The following ADARB2 variants were observed in gnomAD, a reference collection of about 807,000 sequenced individuals.
ADARB2 encodes inactive double-stranded RNA-specific editase B2.
Under a neutral mutation model 62.2 loss-of-function variants are expected in ADARB2, and 25 were observed. The ratio of observed to expected loss-of-function variants is 0.40; its 90% CI spans 0.29 to 0.56. ADARB2 has a LOEUF of 0.56. ADARB2 is among the 20% of genes least tolerant of loss of function. The pLI is 0.43. For missense variants in ADARB2, 1,071 were observed against 1,077.4 expected (o/e 0.99, Z 0.08); for synonymous variants, 572 against 500.8 (o/e 1.14, Z -1.90).
intron 1 of ADARB2, among the ~76,000 whole-genome samples, chr10:1,734,492 C>T (rs1241205383): frequency 6.6e-6 from 1 of 152,122 alleles, no homozygotes; most frequent in Non-Finnish European, 1.5e-5. Context: ...TGATAAGAAG[C>T]ATATCATGCC....
At chr10:1,550,390 A>G (rs1163317647) in intron 1 of ADARB2, among the ~76,000 whole-genome samples, 1 of 152,250 alleles carries the variant, frequency 6.6e-6, no homozygotes, top group Non-Finnish European at 1.5e-5. Flanking sequence ...GAGAAAGCTC[A>G]TTCTTTGGAG....
intron 1 of ADARB2, among the ~76,000 whole-genome samples, chr10:1,421,707 T>G (rs1832853921): frequency 6.6e-6 from 1 of 152,068 alleles, no homozygotes; most frequent in East Asian, 1.9e-4. Flanking sequence ...TGTTGACTGT[T>G]TGTTTTGTCC....
chr10:1,595,797 G>C (rs944226804), intron 1 of ADARB2, among the ~76,000 whole-genome samples: 1 of 152,244 alleles, frequency 6.6e-6, no homozygotes, highest in Non-Finnish European at 1.5e-5. Context: ...CTTCAAAGTT[G>C]GTTTGTGGGG....
At chr10:1,732,733 T>C (rs1588370272) in intron 1 of ADARB2, among the ~76,000 whole-genome samples, 1 of 152,236 alleles carries the variant, frequency 6.6e-6, no homozygotes, top group South Asian at 2.1e-4. Context: ...CGGGGACGAC[T>C]GTAGCATTGC....
intron 1 of ADARB2, among the ~76,000 whole-genome samples, chr10:1,593,634 A>G (rs1022845840): frequency 2.0e-5 from 3 of 152,234 alleles, no homozygotes; most frequent in African/African-American, 7.2e-5. Flanking sequence ...TGTAGTCTCA[A>G]GAGTTTAGAA....
chr10:1,485,010 G>C (rs574254044), intron 1 of ADARB2, among the ~76,000 whole-genome samples: 1 of 152,098 alleles, frequency 6.6e-6, no homozygotes, highest in Admixed American at 6.5e-5. Flanking sequence ...ATGTATACAG[G>C]TACATATATA....
Position 1,363,310 on chromosome 10 carries a change from G to A in ADARB2, c.795C>T (p.Gly265=), listed in dbSNP as rs1020611178. ...GGGCCGCGGGGGTGGCGGGGGTCGG[G>A]CCCACCAGGTCCAGCGCGCGGCACA... ...RLLCRALDLV[G]PTPATPAAPG... The change falls in exon 3 of 10, where the codon GGC becomes GGT. Residue 265 remains glycine (G), a synonymous_variant. Transcript: ENST00000381312. The A allele has an allele frequency of 2.4e-5, 29 of 1,233,446 alleles. No individual in the cohort carries two copies. The African/African-American group carries it at 4.3e-4, about 18-fold the overall frequency. 76.4% of individuals were successfully genotyped at this position (1,233,446 alleles called of 1,614,324 possible).
In ADARB2 at chr10:1,655,419, T is replaced by G. The variant is rs1434465589; in HGVS notation, c.100+81632A>C. Among the ~76,000 whole-genome samples the G allele has an allele frequency of 4.6e-5, 7 of 152,360 alleles. No homozygotes were observed. In the East Asian group the frequency reaches 1.4e-3, roughly 29 times the overall value. ...TGCCATCCAGGCATCTTTTCCGGGCTGAGTTTTCTGCAAGGCTTGTCGGGT... is the reference window on the plus strand; with the variant it reads ...TGCCATCCAGGCATCTTTTCCGGGCGGAGTTTTCTGCAAGGCTTGTCGGGT... On this transcript the variant is annotated intron_variant, in intron 1 of 9. Coordinates refer to ENST00000381312, the MANE Select transcript of ADARB2 (RefSeq NM_018702.4).
intron 1 of ADARB2, among the ~76,000 whole-genome samples, chr10:1,459,996 C>G (rs1437351078): frequency 1.0e-5 from 1 of 100,256 alleles, no homozygotes; most frequent in East Asian, 2.6e-4. Flanking sequence ...TGCCTGTGAC[C>G]TGAGTTTACC....
chr10:1,696,114 T>C (rs1168820608), intron 1 of ADARB2, among the ~76,000 whole-genome samples: 1 of 152,170 alleles, frequency 6.6e-6, no homozygotes, highest in East Asian at 1.9e-4. Flanking sequence ...CACACACATG[T>C]CCATGTTTGC....
At chr10:1,377,943 T>C (rs1832449004) in intron 2 of ADARB2, among the ~76,000 whole-genome samples, 1 of 152,186 alleles carries the variant, frequency 6.6e-6, no homozygotes. Flanking sequence ...ACGGCTCCCC[T>C]TGCAGACCCC....
intron 1 of ADARB2, among the ~76,000 whole-genome samples, chr10:1,524,025 C>G (rs1419580634): frequency 6.6e-6 from 1 of 151,552 alleles, no homozygotes; most frequent in Non-Finnish European, 1.5e-5. Context: ...TTATTCAGCA[C>G]TTACTATATT....
chr10:1,247,237 A>G (rs1445158010), intron 4 of ADARB2, among the ~76,000 whole-genome samples: 4 of 152,266 alleles, frequency 2.6e-5, no homozygotes, highest in Non-Finnish European at 2.9e-5. Flanking sequence ...GGGCTGAGAC[A>G]ATGGGGTTTT....
At chr10:1,476,683 G>C (rs556524052) in intron 1 of ADARB2, among the ~76,000 whole-genome samples, 1 of 152,314 alleles carries the variant, frequency 6.6e-6, no homozygotes, top group East Asian at 1.9e-4. Flanking sequence ...AGATCAGAAA[G>C]GCCATCGGCC....
At chr10:1,572,912 C>T (rs967525757) in intron 1 of ADARB2, among the ~76,000 whole-genome samples, 1 of 152,232 alleles carries the variant, frequency 6.6e-6, no homozygotes, top group Non-Finnish European at 1.5e-5. Flanking sequence ...CTCACACACC[C>T]TACTGCAGCA....
intron 1 of ADARB2, among the ~76,000 whole-genome samples, chr10:1,629,634 C>T (rs1358298363): frequency 3.3e-5 from 5 of 151,020 alleles, no homozygotes; most frequent in Admixed American, 1.3e-4. Flanking sequence ...TCCCCATTGC[C>T]TGGGCACCTG....
chr10:1,508,090 G>A (rs1212191894), intron 1 of ADARB2, among the ~76,000 whole-genome samples: 1 of 152,212 alleles, frequency 6.6e-6, no homozygotes, highest in Non-Finnish European at 1.5e-5. Flanking sequence ...CATCAGGAAG[G>A]TCAAGTGAGG....
chr10:1,418,776 A>G (rs1426780268), intron 1 of ADARB2, among the ~76,000 whole-genome samples: 1 of 152,210 alleles, frequency 6.6e-6, no homozygotes, highest in Non-Finnish European at 1.5e-5. Flanking sequence ...AGCATTCCAA[A>G]GTTCAGCAAA....
chr10:1,541,803 G>A (rs78945157), intron 1 of ADARB2, among the ~76,000 whole-genome samples: 1 of 20,060 alleles, frequency 5.0e-5, no homozygotes, highest in African/African-American at 2.7e-4. Context: ...CGCCCAGACC[G>A]CACTCAGATG....
Sources: allele counts gnomAD v4.1 joint callset (sites outside exome capture counted in the v4.1 genomes callset), GRCh38; gene constraint gnomAD v4.1.1; transcripts MANE v1.5; gene names NCBI Gene and HGNC (gene_info 2026-07-23, HGNC 2026-07-21).